The following PLPP4 variants were observed in gnomAD, a reference collection of about 807,000 sequenced individuals.
PLPP4 encodes diacylglycerol pyrophosphate like 2.
A neutral mutation model predicts 32.2 loss-of-function variants in PLPP4; 20 were observed. The observed-to-expected ratio is 0.62, with a 90% CI of 0.44 to 0.90. The LOEUF is 0.90. Among genes scored for constraint, PLPP4 ranks in the 40% least tolerant of loss-of-function variants. PLPP4 has a pLI of 0.00. For synonymous variants in PLPP4, 127 were observed against 133.0 expected (o/e 0.95, Z 0.31); for missense variants, 257 against 353.1 (o/e 0.73, Z 2.18).
chr10:120,457,146 C>T (rs547616353), upstream of PLPP4: 5,488 of 309,218 alleles, frequency 0.018, 63 homozygotes, highest in Non-Finnish European at 0.022. Flanking sequence ...AGGCTGAGCC[C>T]TCCCCGGCGC....
intron 1 of PLPP4, among the ~76,000 whole-genome samples, chr10:120,496,768 C>G (rs1391886567): frequency 6.6e-6 from 1 of 152,142 alleles, no homozygotes; most frequent in African/African-American, 2.4e-5. Flanking sequence ...CTGTCCCCTC[C>G]TGTGTCCTTT....
intron 1 of PLPP4, among the ~76,000 whole-genome samples, chr10:120,475,365 G>A (rs1019247626): frequency 1.3e-5 from 2 of 152,036 alleles, no homozygotes; most frequent in East Asian, 1.9e-4. Flanking sequence ...ACAGGCCTGC[G>A]TTAGCATGGA....
At chr10:120,522,968 G>A (rs1846223672) in intron 5 of PLPP4, among the ~76,000 whole-genome samples, 1 of 152,194 alleles carries the variant, frequency 6.6e-6, no homozygotes, top group Admixed American at 6.5e-5. Flanking sequence ...TCTGGATTTA[G>A]GGTGAGCCCT....
intron 1 of PLPP4, among the ~76,000 whole-genome samples, chr10:120,485,773 G>C (rs1329171630): frequency 6.6e-6 from 1 of 152,244 alleles, no homozygotes; most frequent in Non-Finnish European, 1.5e-5. Context: ...GATGTGAGCT[G>C]TTCACCTCCT....
intron 1 of PLPP4, among the ~76,000 whole-genome samples, chr10:120,493,500 G>A (rs1844811541): frequency 6.6e-6 from 1 of 152,178 alleles, no homozygotes; most frequent in Non-Finnish European, 1.5e-5. Flanking sequence ...AGCATGAGCA[G>A]GCAGAGGCTT....
chr10:120,510,654 C>A (rs190496123), intron 2 of PLPP4, among the ~76,000 whole-genome samples: 72 of 152,288 alleles, frequency 4.7e-4, no homozygotes, highest in African/African-American at 1.7e-3. Flanking sequence ...GGGGTGCTTA[C>A]TCGCCTCATT....
intron 6 of PLPP4, among the ~76,000 whole-genome samples, chr10:120,586,299 A>T (rs367815793): frequency 1.5e-4 from 21 of 137,528 alleles, no homozygotes; most frequent in East Asian, 4.4e-4. Context: ...ACACCTGGCT[A>T]TTTTTTTTTT....
At chr10:120,491,671 A>T (rs1285888602) in intron 1 of PLPP4, among the ~76,000 whole-genome samples, 1 of 152,150 alleles carries the variant, frequency 6.6e-6, no homozygotes, top group African/African-American at 2.4e-5. Context: ...TGATGTGAAA[A>T]TTTTTAAATA....
intron 1 of PLPP4, among the ~76,000 whole-genome samples, chr10:120,465,829 G>A (rs991447072): frequency 1.3e-5 from 2 of 152,108 alleles, no homozygotes; most frequent in African/African-American, 2.4e-5. Context: ...CATAAAGTTT[G>A]TGTTCTTTTG....
intron 3 of PLPP4, among the ~76,000 whole-genome samples, chr10:120,515,132 C>A (rs1430762687): frequency 6.6e-6 from 1 of 152,080 alleles, no homozygotes; most frequent in African/African-American, 2.4e-5. Context: ...CGAACAGAAT[C>A]CCTCTCAAAT....
At chr10:120,558,327 T>A (rs748946861) in intron 5 of PLPP4, among the ~76,000 whole-genome samples, 2 of 152,014 alleles carry the variant, frequency 1.3e-5, no homozygotes, top group Non-Finnish European at 2.9e-5. Context: ...TGTGATTTGC[T>A]AATTTTGCTC....
At position 120,589,766 on chromosome 10, in the gene PLPP4, T is replaced by G; in HGVS notation, c.*264T>G. The G allele has an allele frequency of 2.3e-6, 1 of 426,426 alleles. No individual in the cohort carries two copies. The highest frequency in any genetic ancestry group is 3.8e-5 in the East Asian group (1 of 26,100). 26.4% of individuals were successfully genotyped at this position (426,426 alleles called of 1,614,324 possible). On this transcript the variant is annotated 3_prime_UTR_variant, in exon 7 of 7. Transcript: ENST00000398250. The stretch of plus-strand genomic sequence containing the variant: ...GTGGGGTTTGGGGAGCTTGGCCGAT[T>G]CGTCTATCTGAAATGTTTGCTGTAA...
chr10:120,473,399 G>T (rs1848600025), intron 1 of PLPP4, among the ~76,000 whole-genome samples: 1 of 151,984 alleles, frequency 6.6e-6, no homozygotes. Context: ...AGCCTAAGTT[G>T]GATAAATTTC....
At chr10:120,458,197 C>A (rs1847880328) in intron 1 of PLPP4, among the ~76,000 whole-genome samples, 1 of 152,186 alleles carries the variant, frequency 6.6e-6, no homozygotes, top group South Asian at 2.1e-4. Context: ...GCCCAGAACA[C>A]CAGCTCAGAG....
intron 1 of PLPP4, among the ~76,000 whole-genome samples, chr10:120,470,815 C>T (rs548226562): frequency 4.5e-4 from 69 of 152,256 alleles, no homozygotes; most frequent in African/African-American, 1.6e-3. Context: ...GAGTAGAGTA[C>T]AGTGGTTAAG....
At chr10:120,542,976 G>T (rs1847423581) in intron 5 of PLPP4, among the ~76,000 whole-genome samples, 1 of 152,212 alleles carries the variant, frequency 6.6e-6, no homozygotes, top group Non-Finnish European at 1.5e-5. Context: ...GTGTCATAGG[G>T]ACCATGTGCA....
intron 5 of PLPP4, among the ~76,000 whole-genome samples, chr10:120,556,079 C>T (rs1848151775): frequency 6.6e-6 from 1 of 152,202 alleles, no homozygotes. Flanking sequence ...TTGCCAGAGA[C>T]CTGTATCAAA....
intron 5 of PLPP4, among the ~76,000 whole-genome samples, chr10:120,553,943 A>G (rs989564736): frequency 6.6e-6 from 1 of 152,206 alleles, no homozygotes; most frequent in Non-Finnish European, 1.5e-5. Context: ...ATTTTCCCCA[A>G]AGTCTTGGCT....
intron 5 of PLPP4, among the ~76,000 whole-genome samples, chr10:120,527,238 G>A (rs1846442445): frequency 6.6e-6 from 1 of 152,168 alleles, no homozygotes; most frequent in South Asian, 2.1e-4. Context: ...ATAGGGCAGG[G>A]TGGCAGGCTG....
Sources: gnomAD v4.1 joint callset for allele counts (sites outside exome capture counted in the v4.1 genomes callset) on GRCh38, gnomAD v4.1.1 for gene constraint, MANE v1.5 for transcripts, NCBI Gene and HGNC (gene_info 2026-07-23, HGNC 2026-07-21) for gene names.